Variants in TMCC1 observed in about 807,000 individuals in gnomAD.
The protein encoded by TMCC1 is transmembrane and coiled-coil domains protein 1.
A neutral mutation model predicts 52.4 loss-of-function variants in TMCC1; 15 were observed. The ratio of observed to expected loss-of-function variants is 0.29; its 90% CI spans 0.19 to 0.44. The LOEUF (loss-of-function observed/expected upper bound fraction) is 0.44. Among genes scored for constraint, TMCC1 ranks in the 20% least tolerant of loss-of-function variants. TMCC1 has a pLI of 1.00. For missense variants in TMCC1, 503 were observed against 806.0 expected, an observed-to-expected ratio of 0.62 and a Z score of 4.55; for synonymous variants, 279 against 301.9, an observed-to-expected ratio of 0.92 and a Z score of 0.79.
chr3:129,761,990 C>CAAAAAA (rs1179793010), intron 4 of TMCC1, among the ~76,000 whole-genome samples: 1,702 of 75,992 alleles, frequency 0.022, 80 homozygotes, highest in Non-Finnish European at 0.031. Context: ...GACTCTGTCT[C>CAAAAAA]AAAAAAAAAA....
chr3:129,864,850 T>C (rs2060549720), intron 2 of TMCC1, among the ~76,000 whole-genome samples: 1 of 152,162 alleles, frequency 6.6e-6, no homozygotes, highest in African/African-American at 2.4e-5. Flanking sequence ...TGCCAAAAGG[T>C]TATTTGGTAA....
intron 2 of TMCC1, among the ~76,000 whole-genome samples, chr3:129,873,433 G>A (rs780476336): frequency 6.6e-6 from 1 of 151,270 alleles, no homozygotes; most frequent in Non-Finnish European, 1.5e-5. Flanking sequence ...CATAATCCCA[G>A]CACTTTGGGA....
intron 2 of TMCC1, among the ~76,000 whole-genome samples, chr3:129,836,505 T>C (rs1344763751): frequency 6.6e-6 from 1 of 152,230 alleles, no homozygotes; most frequent in Non-Finnish European, 1.5e-5. Flanking sequence ...ACACAGTATA[T>C]TCTCTGACCA....
chr3:129,749,546 C>G (rs182792104), intron 4 of TMCC1, among the ~76,000 whole-genome samples: 70 of 151,852 alleles, frequency 4.6e-4, no homozygotes, highest in Admixed American at 4.6e-3. Flanking sequence ...GAAGTAAAAA[C>G]AAAGATGTTT....
At chr3:129,711,295 G>C (rs1457058653) in intron 4 of TMCC1, among the ~76,000 whole-genome samples, 1 of 152,166 alleles carries the variant, frequency 6.6e-6, no homozygotes. Context: ...AAAATAATCA[G>C]TTTTGACAGA....
intron 4 of TMCC1, among the ~76,000 whole-genome samples, chr3:129,703,028 T>C (rs557789755): frequency 3.3e-5 from 5 of 152,130 alleles, no homozygotes; most frequent in Admixed American, 3.3e-4. Flanking sequence ...AAAAACAAAA[T>C]AAAAGAAAAA....
At chr3:129,693,467 T>G (rs985324740) in intron 4 of TMCC1, among the ~76,000 whole-genome samples, 16 of 151,982 alleles carry the variant, frequency 1.1e-4, no homozygotes, top group African/African-American at 3.6e-4. Context: ...AAATGTCCTT[T>G]GTTAACTCTT....
At chr3:129,697,951 C>T (rs2047533511) in intron 4 of TMCC1, among the ~76,000 whole-genome samples, 1 of 152,138 alleles carries the variant, frequency 6.6e-6, no homozygotes, top group Non-Finnish European at 1.5e-5. Flanking sequence ...TCTCCTGAGC[C>T]CTCCAAGTCT....
intron 4 of TMCC1, among the ~76,000 whole-genome samples, chr3:129,724,460 C>T (rs1033938179): frequency 2.0e-5 from 3 of 152,156 alleles, no homozygotes; most frequent in African/African-American, 4.8e-5. Flanking sequence ...CTGGGCACTA[C>T]GACCTAGCTG....
intron 1 of TMCC1, among the ~76,000 whole-genome samples, chr3:129,887,178 G>A (rs767722962): frequency 3.3e-5 from 5 of 151,886 alleles, no homozygotes; most frequent in South Asian, 2.1e-4. Context: ...CCACTTAACC[G>A]TAGATTTAAA....
intron 4 of TMCC1, among the ~76,000 whole-genome samples, chr3:129,779,004 G>A (rs568856715): frequency 7.5e-4 from 113 of 151,254 alleles, no homozygotes; most frequent in African/African-American, 2.2e-3. Flanking sequence ...GTTTTTTTTT[G>A]TGGATCTTTT....
intron 2 of TMCC1, among the ~76,000 whole-genome samples, chr3:129,861,839 T>C (rs1049529586): frequency 6.6e-6 from 1 of 152,252 alleles, no homozygotes; most frequent in Non-Finnish European, 1.5e-5. Flanking sequence ...ATAAAAGAGT[T>C]ACCATATTTC....
intron 4 of TMCC1, among the ~76,000 whole-genome samples, chr3:129,788,689 C>CTG (rs2056226897): frequency 6.6e-6 from 1 of 151,816 alleles, no homozygotes; most frequent in Non-Finnish European, 1.5e-5. Context: ...AGGATGGTCT[C>CTG]GATCTCCTGA....
At chr3:129,749,440 T>C (rs910454455) in intron 4 of TMCC1, among the ~76,000 whole-genome samples, 2 of 152,222 alleles carry the variant, frequency 1.3e-5, no homozygotes, top group Middle Eastern at 3.4e-3. Flanking sequence ...AGAAAAGATA[T>C]GGGGTTCTGA....
chr3:129,792,465 G>A (rs995982036), intron 4 of TMCC1, among the ~76,000 whole-genome samples: 8 of 151,802 alleles, frequency 5.3e-5, no homozygotes, highest in Non-Finnish European at 8.8e-5. Context: ...CTCCTGCGTC[G>A]TCAGCCTCCC....
intron 1 of TMCC1, among the ~76,000 whole-genome samples, chr3:129,888,856 C>T (rs1224886072): frequency 6.6e-6 from 1 of 152,198 alleles, no homozygotes; most frequent in African/African-American, 2.4e-5. Context: ...TGGTAGTATA[C>T]ATCCCTAATA....
At chr3:129,704,668 C>G (rs1366663032) in intron 4 of TMCC1, among the ~76,000 whole-genome samples, 4 of 152,204 alleles carry the variant, frequency 2.6e-5, no homozygotes, top group Admixed American at 2.6e-4. Flanking sequence ...ATCCTCCCAC[C>G]TCGGCCTCCC....
chr3:129,753,888 G>T (rs1234410343), intron 4 of TMCC1, among the ~76,000 whole-genome samples: 2 of 143,710 alleles, frequency 1.4e-5, no homozygotes, highest in African/African-American at 5.3e-5. Flanking sequence ...AGATGACAAA[G>T]AAAGAAATAA....
chr3:129,728,414 T>G (rs770065881), intron 4 of TMCC1, among the ~76,000 whole-genome samples: 1 of 152,172 alleles, frequency 6.6e-6, no homozygotes, highest in Non-Finnish European at 1.5e-5. Context: ...GTCTCCCAAG[T>G]AGCTGGGATT....
Sources: allele counts gnomAD v4.1 joint callset (sites outside exome capture counted in the v4.1 genomes callset), GRCh38; gene constraint gnomAD v4.1.1; transcripts MANE v1.5; gene names NCBI Gene and HGNC (gene_info 2026-07-23, HGNC 2026-07-21).